The following ARHGEF6 variants were observed in gnomAD, a reference collection of about 807,000 sequenced individuals.
ARHGEF6 encodes rho guanine nucleotide exchange factor 6.
In ARHGEF6, 9 loss-of-function variants were observed where a neutral mutation model predicts 70.3. The ratio of observed to expected loss-of-function variants is 0.13; its 90% CI spans 0.08 to 0.22. The LOEUF (loss-of-function observed/expected upper bound fraction) is 0.22. Ranked by LOEUF, ARHGEF6 falls within the 10% of genes least tolerant of loss-of-function variation. ARHGEF6 has a pLI of 1.00. For synonymous variants in ARHGEF6, 201 were observed against 207.8 expected, an observed-to-expected ratio of 0.97 and a Z score of 0.28; for missense variants, 470 against 563.0, an observed-to-expected ratio of 0.83 and a Z score of 1.67.
intron 9 of ARHGEF6, among the ~76,000 whole-genome samples, chrX:136,694,818 C>T (rs940260099): frequency 2.7e-5 from 3 of 111,818 alleles, no homozygotes; most frequent in Admixed American, 9.5e-5. Flanking sequence ...AAGACTAGAG[C>T]GGCCATTCAA....
chrX:136,715,549 A>T (rs1017439108), intron 6 of ARHGEF6, among the ~76,000 whole-genome samples: 2 of 110,422 alleles, frequency 1.8e-5, no homozygotes, highest in East Asian at 5.7e-4. Context: ...CTACTCCAAA[A>T]ATTGGAGAAA....
rs189665211 is a variant in ARHGEF6 at position 136,749,544 on chromosome X, C to T, written c.250-1952G>A. 8.1e-5 allele frequency among the ~76,000 whole-genome samples: 9 copies of T among 111,648 alleles called. No homozygotes were observed. The East Asian group carries it at 2.2e-3, about 28-fold the overall frequency. On this transcript the variant is annotated intron_variant, in intron 2 of 21. Transcript: ENST00000250617. ...CCTCTGGTTTTAGTTGTTCCTTATC[C>T]AGGGTTATTAAATGCCTATACATGG...
At chrX:136,755,840 G>A (rs376285417) in intron 2 of ARHGEF6, among the ~76,000 whole-genome samples, 11 of 111,747 alleles carry the variant, frequency 9.8e-5, no homozygotes, top group East Asian at 2.8e-4. Flanking sequence ...TTTGAAGTCC[G>A]CATTCCCCCA....
intron 10 of ARHGEF6, 147 bp from the exon 11 acceptor site, chrX:136,688,138 A>G (rs773586093): frequency 6.1e-6 from 3 of 494,506 alleles, no homozygotes; most frequent in Admixed American, 2.9e-5. Context: ...AATTGTGGTC[A>G]TGGTAACATG....
intron 12 of ARHGEF6, among the ~76,000 whole-genome samples, chrX:136,683,276 T>C (rs767257992): frequency 3.7e-4 from 42 of 112,549 alleles, no homozygotes; most frequent in Non-Finnish European, 6.0e-4. Flanking sequence ...ACATGTTTGT[T>C]AAAGTCGTAT....
chrX:136,687,949 C>T lies in ARHGEF6; in HGVS notation c.1228G>A (p.Ala410Thr), dbSNP rs2076421207. The part of the protein sequence containing the change: ...DHQDILKAIV[A>T]FKTLMGQCQD... Reference sequence around the variant, plus strand: ...TCACCTACCATGAGAGTTTTGAATGCTACGATTGCTTTCAGAATATCCTGA... The same window carrying T: ...TCACCTACCATGAGAGTTTTGAATGTTACGATTGCTTTCAGAATATCCTGA... The change falls in exon 11 of 22, where the codon GCA (alanine) becomes ACA (threonine). Residue 410 changes from alanine (A) to threonine (T), a missense_variant. Ala to Thr is a moderately conservative substitution (Grantham distance 58, BLOSUM62 0). Around this residue, in one of 3 missense-constraint regions of ARHGEF6, gnomAD observed 379 missense variants for 449.3 expected, o/e 0.84. Coordinates refer to ENST00000250617, the MANE Select transcript of ARHGEF6 (RefSeq NM_004840.3). 2 of 1,207,121 alleles carry T rather than the reference C, an allele frequency of 1.7e-6. No individual in the cohort carries two copies. The highest frequency in any genetic ancestry group is 4.3e-5 in the Admixed American group (2 of 46,030).
intron 2 of ARHGEF6, chrX:136,767,392 T>A (rs2077327096): frequency 1.3e-6 from 1 of 754,081 alleles, no homozygotes; most frequent in African/African-American, 2.3e-5. Context: ...GCTGCAACTT[T>A]GCGCCTGGAC....
chrX:136,727,399 C>T (rs866493530), intron 6 of ARHGEF6, among the ~76,000 whole-genome samples: 125 of 70,258 alleles, frequency 1.8e-3, no homozygotes, highest in East Asian at 6.1e-3. Context: ...CTTTCTTTCT[C>T]TCTCTCTCTC....
chrX:136,686,287 C>T (rs1828410499), intron 11 of ARHGEF6, among the ~76,000 whole-genome samples: 1 of 110,230 alleles, frequency 9.1e-6, no homozygotes, highest in Non-Finnish European at 1.9e-5. Context: ...AACAAGGTAA[C>T]ATCTTGAAAA....
intron 2 of ARHGEF6, among the ~76,000 whole-genome samples, chrX:136,755,550 G>A (rs1244290003): frequency 9.0e-6 from 1 of 111,409 alleles, no homozygotes. Flanking sequence ...AGAGACTGGT[G>A]GTAAATAGCC....
At chrX:136,697,360 C>A (rs1228873547) in intron 9 of ARHGEF6, among the ~76,000 whole-genome samples, 1 of 111,757 alleles carries the variant, frequency 8.9e-6, no homozygotes, top group Non-Finnish European at 1.9e-5. Context: ...GAGAGAGAAC[C>A]AGGGAAACAG....
rs2076190700 is a variant in ARHGEF6, at chrX:136,668,770, C to T, written c.2191-601G>A. Among the ~76,000 whole-genome samples the T allele has an allele frequency of 4.6e-5, 5 of 109,780 alleles. No individual in the cohort carries two copies. In the Admixed American group the frequency reaches 4.9e-4, roughly 11 times the overall value. On this transcript the variant is annotated intron_variant, in intron 21 of 21. Coordinates refer to ENST00000250617, the MANE Select transcript of ARHGEF6 (RefSeq NM_004840.3). Reference sequence around the variant, plus strand: ...TCAGTATCTCTCTCAACACCCCAAACTTCTCCTCCTCCTGTGATTACTGAT... The same window carrying T: ...TCAGTATCTCTCTCAACACCCCAAATTTCTCCTCCTCCTGTGATTACTGAT...
At chrX:136,773,602 G>A (rs1043134625) in intron 2 of ARHGEF6, among the ~76,000 whole-genome samples, 1 of 112,452 alleles carries the variant, frequency 8.9e-6, no homozygotes, top group African/African-American at 3.2e-5. Context: ...ACATTACCGA[G>A]TAATAACACC....
At chrX:136,759,403 G>T (rs1189201634) in intron 2 of ARHGEF6, among the ~76,000 whole-genome samples, 1 of 111,349 alleles carries the variant, frequency 9.0e-6, no homozygotes, top group Non-Finnish European at 1.9e-5. Flanking sequence ...ACTTTGGGAG[G>T]CCGAGGGGGG....
chrX:136,751,699 A>G (rs1298478905), intron 2 of ARHGEF6, among the ~76,000 whole-genome samples: 1 of 111,183 alleles, frequency 9.0e-6, no homozygotes, highest in Non-Finnish European at 1.9e-5. Flanking sequence ...AAGGACATAG[A>G]GAGAAGGTAC....
At chrX:136,702,317 C>T (rs1178161464) in intron 9 of ARHGEF6, among the ~76,000 whole-genome samples, 2 of 110,470 alleles carry the variant, frequency 1.8e-5, no homozygotes, top group African/African-American at 3.3e-5. Flanking sequence ...ACAGAAAAGG[C>T]GGAAAAATAG....
intron 5 of ARHGEF6, among the ~76,000 whole-genome samples, chrX:136,733,697 G>C (rs145176026): frequency 0.012 from 1,361 of 112,168 alleles, 22 homozygotes; most frequent in African/African-American, 0.042. Flanking sequence ...TTACAACAAC[G>C]CTGACAGGCA....
chrX:136,715,618 A>T (rs1315912435), intron 6 of ARHGEF6, among the ~76,000 whole-genome samples: 1 of 110,280 alleles, frequency 9.1e-6, no homozygotes, highest in Non-Finnish European at 1.9e-5. Context: ...AGAAGCCTCC[A>T]CAGGAACCAG....
chrX:136,722,109 C>A (rs906906005), intron 6 of ARHGEF6, among the ~76,000 whole-genome samples: 1 of 108,763 alleles, frequency 9.2e-6, no homozygotes, highest in African/African-American at 3.4e-5. Flanking sequence ...TTTTTTTCAA[C>A]AAATGGTGCT....
Sources: gnomAD v4.1 joint callset for allele counts (sites outside exome capture counted in the v4.1 genomes callset) on GRCh38, gnomAD v4.1.1 for gene constraint, gnomAD v4.1.1 regional missense constraint, MANE v1.5 for transcripts, NCBI Gene and HGNC (gene_info 2026-07-23, HGNC 2026-07-21) for gene names.